RBFOX1: variants seen among roughly 807,000 people sequenced by gnomAD.
RBFOX1 encodes RNA binding fox-1 homolog 1.
A neutral mutation model predicts 57.7 loss-of-function variants in RBFOX1; 8 were observed. That is an observed-to-expected ratio of 0.14 (90% CI 0.08 to 0.25). The LOEUF is 0.25. Ranked by LOEUF, RBFOX1 falls within the 10% of genes least tolerant of loss-of-function variation. The pLI is 1.00. For synonymous variants in RBFOX1, 326 were observed against 222.4 expected (o/e 1.47, Z -4.15); for missense variants, 611 against 548.5 (o/e 1.11, Z -1.14).
intron 4 of RBFOX1, among the ~76,000 whole-genome samples, chr16:7,385,751 T>C (rs1304234466): frequency 6.6e-6 from 1 of 151,970 alleles, no homozygotes; most frequent in African/African-American, 2.4e-5. Flanking sequence ...CTTTTAGCTT[T>C]TAAGGTTTTT....
intron 2 of RBFOX1, among the ~76,000 whole-genome samples, chr16:6,634,686 A>G (rs1290495932): frequency 6.9e-6 from 1 of 145,330 alleles, no homozygotes; most frequent in Non-Finnish European, 1.5e-5. Context: ...ATGTACATAT[A>G]TAATACAAAG....
intron 7 of RBFOX1, among the ~76,000 whole-genome samples, 155 bp downstream of exon 7, chr16:7,587,455 G>A (rs531869815): frequency 6.6e-6 from 1 of 152,172 alleles, no homozygotes; most frequent in East Asian, 1.9e-4. Flanking sequence ...CAAAATGGTG[G>A]GAAAGACATC....
At chr16:6,518,553 G>C (rs1445119078) in intron 2 of RBFOX1, among the ~76,000 whole-genome samples, 1 of 152,086 alleles carries the variant, frequency 6.6e-6, no homozygotes, top group African/African-American at 2.4e-5. Context: ...TCATGCTCTG[G>C]CACCTCCTGT....
Position 7,580,070 on chromosome 16 carries a change from C to T in RBFOX1, c.414+150C>T, listed in dbSNP as rs886179826. 22 of 832,796 alleles carry T rather than the reference C, an allele frequency of 2.6e-5. No individual in the cohort carries two copies. In the Admixed American group the frequency reaches 6.3e-4, roughly 24 times the overall value. 51.6% of individuals were successfully genotyped at this position (832,796 alleles called of 1,614,324 possible). A position where few individuals can be genotyped will look rare whatever the true frequency, so the allele number is the denominator to read the frequency against. On this transcript the variant is annotated intron_variant, in intron 6 of 15. Transcript: ENST00000550418. ...AGCCTAGTCTGCAGGTATATTGTGG[C>T]TAGAATCTCTTTATGGTTTTAGCAT...
intron 2 of RBFOX1, among the ~76,000 whole-genome samples, chr16:6,334,187 C>G (rs2083365717): frequency 6.6e-6 from 1 of 152,086 alleles, no homozygotes; most frequent in South Asian, 2.1e-4. Flanking sequence ...TTGTCAGCCA[C>G]TCCACAGAGA....
intron 2 of RBFOX1, among the ~76,000 whole-genome samples, chr16:6,373,284 G>A (rs552880113): frequency 6.6e-5 from 10 of 151,996 alleles, no homozygotes; most frequent in South Asian, 6.2e-4. Flanking sequence ...AAGTATTGTC[G>A]GATGGGAGGA....
intron 4 of RBFOX1, among the ~76,000 whole-genome samples, chr16:7,336,240 C>T (rs1051141611): frequency 2.6e-5 from 4 of 152,150 alleles, no homozygotes; most frequent in African/African-American, 7.2e-5. Context: ...ACCAAAACAA[C>T]AGCTTTGTAA....
At chr16:7,532,209 C>T (rs1042341757) in intron 5 of RBFOX1, among the ~76,000 whole-genome samples, 1 of 150,936 alleles carries the variant, frequency 6.6e-6, no homozygotes, top group African/African-American at 2.4e-5. Context: ...CGTCCCCCCT[C>T]TTCCCTCTAA....
intron 1 of RBFOX1, among the ~76,000 whole-genome samples, chr16:5,265,683 C>T (rs1425288712): frequency 2.6e-5 from 4 of 152,292 alleles, no homozygotes; most frequent in Non-Finnish European, 5.9e-5. Flanking sequence ...ATCCATCTCT[C>T]TTTCCTAGAG....
At chr16:7,563,483 C>A (rs1003649534) in intron 5 of RBFOX1, among the ~76,000 whole-genome samples, 2 of 151,940 alleles carry the variant, frequency 1.3e-5, no homozygotes, top group African/African-American at 4.8e-5. Flanking sequence ...TCTTTTCTTG[C>A]TTCAAACAAA....
chr16:6,730,119 T>A (rs949598885), intron 3 of RBFOX1, among the ~76,000 whole-genome samples: 1 of 152,150 alleles, frequency 6.6e-6, no homozygotes, highest in Non-Finnish European at 1.5e-5. Context: ...AATTCCTGCT[T>A]CCTTTGACTT....
intron 4 of RBFOX1, among the ~76,000 whole-genome samples, chr16:7,319,819 G>A (rs1432320573): frequency 6.6e-6 from 1 of 152,130 alleles, no homozygotes; most frequent in African/African-American, 2.4e-5. Flanking sequence ...TGCCATGAAT[G>A]ATGTAAGGCC....
chr16:7,547,010 T>C (rs1213523466), intron 5 of RBFOX1, among the ~76,000 whole-genome samples: 1 of 151,992 alleles, frequency 6.6e-6, no homozygotes, highest in Non-Finnish European at 1.5e-5. Flanking sequence ...ATCATACCAA[T>C]TTAAACTCCC....
At chr16:7,278,745 C>A (rs955477638) in intron 4 of RBFOX1, among the ~76,000 whole-genome samples, 5 of 152,156 alleles carry the variant, frequency 3.3e-5, no homozygotes, top group African/African-American at 9.7e-5. Context: ...TCAGTTTGAA[C>A]TTAAAATATC....
At chr16:6,859,184 T>TACGTATATATATAC (rs57442083) in intron 3 of RBFOX1, among the ~76,000 whole-genome samples, 2 of 49,256 alleles carry the variant, frequency 4.1e-5, no homozygotes, top group East Asian at 5.4e-4. Flanking sequence ...TGTATATATA[T>TACGTATATATATAC]GTATATATAT....
chr16:7,481,002 A>T (rs1226280025), intron 4 of RBFOX1, among the ~76,000 whole-genome samples: 2 of 152,174 alleles, frequency 1.3e-5, no homozygotes, highest in East Asian at 3.9e-4. Flanking sequence ...CATGCATGAT[A>T]TCCAAGTGAT....
At chr16:7,403,311 A>C (rs1411607474) in intron 4 of RBFOX1, among the ~76,000 whole-genome samples, 1 of 152,146 alleles carries the variant, frequency 6.6e-6, no homozygotes, top group Non-Finnish European at 1.5e-5. Context: ...TCACCGTGCT[A>C]TACATTAGAC....
At chr16:6,623,886 A>G (rs1319463420) in intron 2 of RBFOX1, among the ~76,000 whole-genome samples, 2 of 152,138 alleles carry the variant, frequency 1.3e-5, no homozygotes, top group South Asian at 2.1e-4. Flanking sequence ...GCTATTGTGA[A>G]TAGTGCCGCA....
In RBFOX1 at chr16:7,645,581, C is replaced by T. The variant is rs1860320; in HGVS notation, c.758-8234C>T. ...ATGAGCAGAGATTTATAGGACATTG[C>T]GTTTCTGTAATGTCAGTGTTGAGAT... is the stretch of plus-strand genomic sequence containing the variant. On this transcript the variant is annotated intron_variant, in intron 11 of 15. Transcript: ENST00000550418. Among the ~76,000 whole-genome samples, 144 of 152,232 alleles carry T rather than the reference C, an allele frequency of 9.5e-4. 1 individual carries two copies. Among genetic ancestry groups the T allele is most frequent in the Middle Eastern group, 6.8e-3 (2 of 294 alleles).
Sources: allele counts gnomAD v4.1 joint callset (sites outside exome capture counted in the v4.1 genomes callset), GRCh38; gene constraint gnomAD v4.1.1; transcripts MANE v1.5; gene names NCBI Gene and HGNC (gene_info 2026-07-23, HGNC 2026-07-21).